Variants in TAF5L observed in about 807,000 individuals in gnomAD.
TAF5L encodes the protein TATA-box binding protein associated factor 5 like, also known as TAF5-like RNA polymerase II p300/CBP-associated factor-associated factor 65 kDa subunit 5L.
A neutral mutation model predicts 51.3 loss-of-function variants in TAF5L; 7 were observed. That is an observed-to-expected ratio of 0.14 (90% CI 0.08 to 0.26). The LOEUF is 0.26. TAF5L is among the 10% of genes least tolerant of loss of function. The pLI is 1.00. For synonymous variants in TAF5L, 291 were observed against 308.1 expected (o/e 0.94, Z 0.58); for missense variants, 575 against 758.9 (o/e 0.76, Z 2.85).
rs1482623660 is a variant in TAF5L, at chr1:229,610,221, G to C, written c.143-11C>G. On this transcript the variant is annotated splice_polypyrimidine_tract_variant and intron_variant, in intron 2 of 4. Transcript: ENST00000258281. ...CAGATTCTGATTGCACTAAAGAGGA[G>C]AAGATACACAAGTCAGGGCGGGAAA... 6.2e-7 allele frequency: 1 copy of C among 1,613,234 alleles called. No individual in the cohort carries two copies. The highest frequency in any genetic ancestry group is 2.2e-5 in the East Asian group (1 of 44,878).
intron 3 of TAF5L, among the ~76,000 whole-genome samples, chr1:229,603,772 A>G (rs1214452506): frequency 6.6e-6 from 1 of 152,252 alleles, no homozygotes; most frequent in Non-Finnish European, 1.5e-5. Flanking sequence ...GTGAATGAGA[A>G]AAGAACAGAG....
At chr1:229,599,482 C>G (rs76234668) in intron 4 of TAF5L, 2,558 of 155,836 alleles carry the variant, frequency 0.016, 37 homozygotes, top group Middle Eastern at 0.026. Context: ...CTCCTCTCCT[C>G]TCTGTCTCTA....
intron 3 of TAF5L, chr1:229,606,195 T>G (rs1664590715): frequency 1.0e-6 from 1 of 985,254 alleles, no homozygotes; most frequent in African/African-American, 1.7e-5. Flanking sequence ...AACAGTATGC[T>G]GGGTATAAAA....
In TAF5L at chr1:229,605,128, A is replaced by ATATATATATATATATTTT. The variant is rs1340196774; in HGVS notation, c.248-2210_248-2209insAAAATATATATATATATA. Reference sequence around the variant, plus strand: ...TGTATGTATATATATATATATATGTATTTTTTTTTTAGTAGAGATGAGGTT... The same window carrying ATATATATATATATATTTT: ...TGTATGTATATATATATATATATGTATATATATATATATATTTTTTTTTTTTTTAGTAGAGATGAGGTT... On this transcript the variant is annotated intron_variant, in intron 3 of 4. Coordinates refer to ENST00000258281, the Ensembl canonical transcript of TAF5L. Among the ~76,000 whole-genome samples, 99 of 145,136 alleles carry ATATATATATATATATTTT rather than the reference A, an allele frequency of 6.8e-4. 1 individual carries two copies. The highest frequency in any genetic ancestry group is 2.5e-3 in the African/African-American group (97 of 38,592).
chr1:229,603,189 C>T (rs944007571), intron 3 of TAF5L, among the ~76,000 whole-genome samples: 2 of 152,130 alleles, frequency 1.3e-5, no homozygotes, highest in Non-Finnish European at 2.9e-5. Flanking sequence ...AAGTGACTTG[C>T]CAGAGTTCAC....
chr1:229,599,747 T>C (rs1004903967), intron 4 of TAF5L: 9 of 886,518 alleles, frequency 1.0e-5, no homozygotes, highest in Non-Finnish European at 1.2e-5. Flanking sequence ...TAAATATTCA[T>C]GTACAAGTGC....
chr1:229,616,376 T>TTATTTATTATTA (rs1665006061), intron 1 of TAF5L, among the ~76,000 whole-genome samples: 3 of 79,376 alleles, frequency 3.8e-5, no homozygotes, highest in African/African-American at 7.2e-5. Flanking sequence ...TTATTTATAT[T>TTATTTATTATTA]TTTTTTTTTA....
chr1:229,616,374 AT>A (rs1000898431), intron 1 of TAF5L, among the ~76,000 whole-genome samples: 37 of 75,964 alleles, frequency 4.9e-4, no homozygotes, highest in Non-Finnish European at 4.9e-4. Context: ...ATTTATTTAT[AT>A]TTTTTTTTTT....
intron 1 of TAF5L, among the ~76,000 whole-genome samples, chr1:229,618,250 G>T (rs1360825367): frequency 6.6e-6 from 1 of 152,084 alleles, no homozygotes; most frequent in Admixed American, 6.6e-5. Flanking sequence ...CTTTCAAACT[G>T]AAATTGGATT....
At chr1:229,617,300 C>T (rs1295889578) in intron 1 of TAF5L, among the ~76,000 whole-genome samples, 2 of 152,216 alleles carry the variant, frequency 1.3e-5, no homozygotes, top group African/African-American at 4.8e-5. Flanking sequence ...TAAATGCACA[C>T]GGAGGCTGTG....
intron 3 of TAF5L, among the ~76,000 whole-genome samples, chr1:229,604,992 C>T (rs1217363738): frequency 6.6e-6 from 1 of 152,110 alleles, no homozygotes; most frequent in South Asian, 2.1e-4. Flanking sequence ...GGCTGGAGTA[C>T]AGTGGCGCGA....
At chr1:229,623,291 C>T (rs989606904) in intron 1 of TAF5L, among the ~76,000 whole-genome samples, 1 of 152,234 alleles carries the variant, frequency 6.6e-6, no homozygotes, top group African/African-American at 2.4e-5. Context: ...CAAAACAAAA[C>T]AAAACAAAAT....
At chr1:229,624,497 T>C (rs376464451) in intron 1 of TAF5L, among the ~76,000 whole-genome samples, 1 of 152,108 alleles carries the variant, frequency 6.6e-6, no homozygotes, top group East Asian at 1.9e-4. Context: ...TTCATACACA[T>C]CATTCTTTTT....
chr1:229,623,069 G>C (rs1298398962), intron 1 of TAF5L, among the ~76,000 whole-genome samples: 1 of 152,198 alleles, frequency 6.6e-6, no homozygotes, highest in African/African-American at 2.4e-5. Context: ...CCGAGGTCAG[G>C]AGTTCAAGAC....
rs1213673735 is a variant in TAF5L, at chr1:229,594,296, A to G, written c.*1T>C. On this transcript the variant is annotated 3_prime_UTR_variant, in exon 5 of 5. Coordinates refer to ENST00000258281, the Ensembl canonical transcript of TAF5L. This position sits in a 1 kb window ranked among gnomAD's most constrained non-coding sequence, Gnocchi z 7.9. ...CAGTCCGTTCCAACAAAGTTAAAAA[A>G]TTAATGTTCCTGATTTTCTTGTGTA... 1 of 1,603,642 alleles carries G rather than the reference A, an allele frequency of 6.2e-7. No homozygotes were observed. Among genetic ancestry groups the G allele is most frequent in the Non-Finnish European group, 8.5e-7 (1 of 1,172,902 alleles).
At chr1:229,622,970 T>C (rs982081236) in intron 1 of TAF5L, among the ~76,000 whole-genome samples, 1 of 152,192 alleles carries the variant, frequency 6.6e-6, no homozygotes, top group Non-Finnish European at 1.5e-5. Context: ...ATGTTATCTC[T>C]GCTAAGCTTA....
intron 1 of TAF5L, among the ~76,000 whole-genome samples, chr1:229,616,695 T>C (rs1436446577): frequency 6.6e-6 from 1 of 152,194 alleles, no homozygotes; most frequent in Non-Finnish European, 1.5e-5. Context: ...TTTAAAAATA[T>C]ACTCTGAAGA....
At chr1:229,622,143 A>G (rs1665232182) in intron 1 of TAF5L, among the ~76,000 whole-genome samples, 1 of 152,058 alleles carries the variant, frequency 6.6e-6, no homozygotes, top group South Asian at 2.1e-4. Flanking sequence ...TGCATTTAAC[A>G]CTTGCACTTT....
intron 1 of TAF5L, among the ~76,000 whole-genome samples, chr1:229,619,506 G>C (rs1246887227): frequency 6.6e-6 from 1 of 152,122 alleles, no homozygotes; most frequent in Non-Finnish European, 1.5e-5. Flanking sequence ...TGGAAATCAC[G>C]AAATCCAGCA....
Sources: gnomAD v4.1 joint callset for allele counts (sites outside exome capture counted in the v4.1 genomes callset) on GRCh38, gnomAD v4.1.1 for gene constraint, Gnocchi (gnomAD v3.1) non-coding constraint, MANE v1.5 for transcripts, NCBI Gene and HGNC (gene_info 2026-07-23, HGNC 2026-07-21) for gene names.